The following TMEM135 variants were observed in gnomAD, a reference collection of about 807,000 sequenced individuals.
The protein encoded by TMEM135 is peroxisomal membrane protein 52.
Under a neutral mutation model 60.3 loss-of-function variants are expected in TMEM135, and 30 were observed. That is an observed-to-expected ratio of 0.50 (90% confidence interval 0.37 to 0.68). The LOEUF is 0.68. Among genes scored for constraint, TMEM135 ranks in the 30% least tolerant of loss-of-function variants. TMEM135 has a pLI of 0.00. For synonymous variants in TMEM135, 190 were observed against 186.7 expected, an observed-to-expected ratio of 1.02 and a Z score of -0.14; for missense variants, 468 against 548.8, an observed-to-expected ratio of 0.85 and a Z score of 1.47.
chr11:87,256,007 A>G (rs1257771409), intron 6 of TMEM135, among the ~76,000 whole-genome samples: 1 of 152,208 alleles, frequency 6.6e-6, no homozygotes, highest in South Asian at 2.1e-4. Flanking sequence ...AATGAAATAC[A>G]TTGATGTTTC....
chr11:87,157,366 G>T lies in TMEM135; in HGVS notation c.422G>T (p.Gly141Val), dbSNP rs1938729940. 1.9e-6 allele frequency: 3 copies of T among 1,612,966 alleles called. No homozygotes were observed. In the South Asian group the frequency reaches 3.3e-5, roughly 18 times the overall value. Residue 141 changes from glycine (G) to valine (V), a missense_variant, in exon 5 of 15, where the codon GGT (glycine) becomes GTT (valine). Gly to Val is a moderately radical substitution (Grantham distance 109). Coordinates refer to ENST00000305494, the MANE Select transcript of TMEM135 (RefSeq NM_022918.4). ...GCCACAGAAACACTATTCAGAATGG[G>T]TGTAGCAAGAGGAACCATCACAACA... ...NLATETLFRM[G>V]VARGTITTLR...
intron 9 of TMEM135, 22 bp downstream of exon 9, chr11:87,306,027 C>A: frequency 6.9e-7 from 1 of 1,451,736 alleles, no homozygotes; most frequent in Non-Finnish European, 9.5e-7. Context: ...AAAGTATGTA[C>A]TTTATTAACA....
intron 5 of TMEM135, among the ~76,000 whole-genome samples, chr11:87,169,614 T>C (rs1399005405): frequency 6.6e-6 from 1 of 152,176 alleles, no homozygotes; most frequent in African/African-American, 2.4e-5. Context: ...TCTTTAAGAA[T>C]GTTGAATATT....
chr11:87,103,463 G>T (rs2135187436), intron 4 of TMEM135, among the ~76,000 whole-genome samples: 1 of 144,958 alleles, frequency 6.9e-6, no homozygotes, highest in African/African-American at 2.6e-5. Context: ...AAATGTGTGT[G>T]TTAGCCATGT....
chr11:87,268,255 ATATTTATT>A (rs56802824), intron 6 of TMEM135, among the ~76,000 whole-genome samples: 4,675 of 136,842 alleles, frequency 0.034, 89 homozygotes, highest in Non-Finnish European at 0.039. Context: ...CCACACCTAG[ATATTTATT>A]TATTTATTTA....
chr11:87,213,104 G>A (rs1172140786), intron 5 of TMEM135, among the ~76,000 whole-genome samples: 1 of 152,038 alleles, frequency 6.6e-6, no homozygotes, highest in Non-Finnish European at 1.5e-5. Context: ...ATAAGATTCT[G>A]AGAATGTACA....
rs371874776 is a variant in TMEM135, at chr11:87,038,144, C to A, written c.99C>A (p.Gly33=). 4.8e-5 allele frequency: 78 copies of A among 1,614,126 alleles called. No individual in the cohort carries two copies. The highest frequency in any genetic ancestry group is 6.1e-5 in the Non-Finnish European group (72 of 1,180,034). ...CRVSFLQITG[G]ALEESLKIYA... is the part of the protein sequence containing the mutation. Reference sequence around the variant, plus strand: ...TCTCCTTCCTGCAGATCACCGGGGGCGCCCTGGAGGAGTCCCTGAAGATCT... The same window carrying A: ...TCTCCTTCCTGCAGATCACCGGGGGAGCCCTGGAGGAGTCCCTGAAGATCT... The change falls in exon 1 of 15, where the codon GGC becomes GGA. Residue 33 remains glycine (G), a synonymous_variant. Coordinates refer to ENST00000305494, the MANE Select transcript of TMEM135 (RefSeq NM_022918.4).
chr11:87,153,772 A>G (rs1252143484), intron 4 of TMEM135, among the ~76,000 whole-genome samples: 3 of 152,176 alleles, frequency 2.0e-5, no homozygotes, highest in Admixed American at 2.0e-4. Flanking sequence ...TGCTTATGAA[A>G]TAATTGTTCG....
rs1397404849 is a variant in TMEM135, at chr11:87,322,635, T to C, written c.*1302T>C. The C allele has an allele frequency of 2.2e-6, 1 of 453,524 alleles. No homozygotes were observed. The highest frequency in any genetic ancestry group is 4.4e-6 in the Non-Finnish European group (1 of 226,678). 28.1% of individuals were successfully genotyped at this position (453,524 alleles called of 1,614,324 possible). On this transcript the variant is annotated 3_prime_UTR_variant, in exon 15 of 15. Coordinates refer to ENST00000305494, the MANE Select transcript of TMEM135 (RefSeq NM_022918.4). The stretch of plus-strand genomic sequence containing the variant: ...TGTTGCTAAAAAGTTTTTAGGCCAG[T>C]GCAAATTATGCAGTAGAACTTGTGT...
intron 10 of TMEM135, among the ~76,000 whole-genome samples, chr11:87,310,408 A>C (rs1437974767): frequency 6.6e-6 from 1 of 152,096 alleles, no homozygotes; most frequent in Non-Finnish European, 1.5e-5. Context: ...TAAATGGTAA[A>C]GTGTGTTAAT....
At chr11:87,161,339 G>T (rs1305931344) in intron 5 of TMEM135, among the ~76,000 whole-genome samples, 1 of 152,116 alleles carries the variant, frequency 6.6e-6, no homozygotes, top group Non-Finnish European at 1.5e-5. Context: ...TTCTATTTCT[G>T]ACAGAAAGAT....
At chr11:87,169,497 G>T (rs749274756) in intron 5 of TMEM135, among the ~76,000 whole-genome samples, 4 of 151,650 alleles carry the variant, frequency 2.6e-5, no homozygotes, top group Admixed American at 2.0e-4. Context: ...GGCAGGCCTG[G>T]TGGTGACAAA....
chr11:87,040,921 C>T (rs1203510121), intron 1 of TMEM135, among the ~76,000 whole-genome samples: 1 of 151,740 alleles, frequency 6.6e-6, no homozygotes, highest in Non-Finnish European at 1.5e-5. Context: ...AGTAGGTGGC[C>T]CTTGACTTGT....
intron 5 of TMEM135, among the ~76,000 whole-genome samples, chr11:87,230,093 C>T (rs754053172): frequency 1.8e-4 from 28 of 151,970 alleles, no homozygotes; most frequent in Non-Finnish European, 3.7e-4. Flanking sequence ...GCAGTCCTTC[C>T]TCATCATCCC....
Position 87,272,128 on chromosome 11 carries a change from A to T in TMEM135, c.510-23654A>T, listed in dbSNP as rs529151938. Among the ~76,000 whole-genome samples, 31 of 141,048 alleles carry T rather than the reference A, an allele frequency of 2.2e-4. 1 individual carries two copies. The South Asian group carries it at 6.9e-3, about 31-fold the overall frequency. The allele number at this position is 141,048 out of a possible 152,430, so 92.5% of individuals were successfully genotyped here. A position where few individuals can be genotyped will look rare whatever the true frequency, so the allele number is the denominator to read the frequency against. On this transcript the variant is annotated intron_variant, in intron 6 of 14. Coordinates refer to ENST00000305494, the MANE Select transcript of TMEM135 (RefSeq NM_022918.4). ...GAGTGCAGAGGTGAGATATCTGCTCACTGCAACCTCCCCCTCCCTGGTTCC... is the reference window on the plus strand; with the variant it reads ...GAGTGCAGAGGTGAGATATCTGCTCTCTGCAACCTCCCCCTCCCTGGTTCC...
At chr11:87,145,602 C>A (rs1196078599) in intron 4 of TMEM135, among the ~76,000 whole-genome samples, 1 of 151,422 alleles carries the variant, frequency 6.6e-6, no homozygotes, top group Non-Finnish European at 1.5e-5. Flanking sequence ...TATCTTTCAT[C>A]TTTTTGATGA....
intron 4 of TMEM135, among the ~76,000 whole-genome samples, chr11:87,098,142 ATT>A (rs11368149): frequency 3.4e-4 from 51 of 147,984 alleles, no homozygotes; most frequent in African/African-American, 4.7e-4. Context: ...GAGGTTGCAA[ATT>A]TTTTTTTTTT....
At chr11:87,044,392 T>G (rs1949776672) in intron 1 of TMEM135, among the ~76,000 whole-genome samples, 1 of 152,026 alleles carries the variant, frequency 6.6e-6, no homozygotes, top group African/African-American at 2.4e-5. Flanking sequence ...TAATAGGCAT[T>G]TGTTTTTGTT....
intron 6 of TMEM135, among the ~76,000 whole-genome samples, chr11:87,267,789 T>TC (rs1941779458): frequency 6.6e-6 from 1 of 152,066 alleles, no homozygotes; most frequent in Non-Finnish European, 1.5e-5. Context: ...ACCTCCCGGG[T>TC]TCAAGTGATT....
Sources: gnomAD v4.1 joint callset for allele counts (sites outside exome capture counted in the v4.1 genomes callset) on GRCh38, gnomAD v4.1.1 for gene constraint, MANE v1.5 for transcripts, NCBI Gene and HGNC (gene_info 2026-07-23, HGNC 2026-07-21) for gene names.